DLGAP2: variants seen among roughly 807,000 people sequenced by gnomAD.
DLGAP2 encodes DLG associated protein 2, also known as disks large-associated protein 2.
A neutral mutation model predicts 100.3 loss-of-function variants in DLGAP2; 26 were observed. The observed-to-expected ratio is 0.26, with a 90% CI of 0.19 to 0.36. The LOEUF (loss-of-function observed/expected upper bound fraction) is 0.36, where lower values mean the gene tolerates loss of function less well. DLGAP2 is among the 10% of genes least tolerant of loss of function. The pLI is 1.00. For synonymous variants in DLGAP2, 886 were observed against 630.1 expected (o/e 1.41, Z -6.08); for missense variants, 1,858 against 1,453.2 (o/e 1.28, Z -4.53).
At chr8:1,270,627 C>G (rs913731356) in intron 3 of DLGAP2, among the ~76,000 whole-genome samples, 1 of 151,998 alleles carries the variant, frequency 6.6e-6, no homozygotes, top group African/African-American at 2.4e-5. Flanking sequence ...CCCTGACGTT[C>G]TCCCAGTAAA....
At chr8:1,050,217 C>A (rs1019870977) in intron 2 of DLGAP2, among the ~76,000 whole-genome samples, 12 of 152,180 alleles carry the variant, frequency 7.9e-5, no homozygotes, top group African/African-American at 2.9e-4. Context: ...TTGTAAATAC[C>A]TACAGTCCCC....
At position 1,009,341 on chromosome 8, in the gene DLGAP2, G is replaced by A. The variant is rs571292316; in HGVS notation, c.73+101375G>A. ...TAGAACATTTCATAGATGTCATATCGGATAACGGGCTTTTTCTATAATGGT... is the reference window on the plus strand; with the variant it reads ...TAGAACATTTCATAGATGTCATATCAGATAACGGGCTTTTTCTATAATGGT... On this transcript the variant is annotated intron_variant, in intron 2 of 14. Transcript: ENST00000637795. Among the ~76,000 whole-genome samples, 9 of 152,266 alleles carry A rather than the reference G, an allele frequency of 5.9e-5. No homozygotes were observed. In the South Asian group the frequency reaches 6.2e-4, roughly 11 times the overall value.
chr8:1,460,381 T>C (rs1300264753), intron 3 of DLGAP2, among the ~76,000 whole-genome samples: 1 of 152,234 alleles, frequency 6.6e-6, no homozygotes, highest in Non-Finnish European at 1.5e-5. Flanking sequence ...AAATTCAATG[T>C]GTCAGATGCT....
intron 1 of DLGAP2, among the ~76,000 whole-genome samples, chr8:881,499 T>C (rs1304795558): frequency 1.6e-3 from 18 of 11,424 alleles, no homozygotes; most frequent in Non-Finnish European, 2.8e-3. Context: ...CATCTCTCTT[T>C]TTTTTTTTTT....
At chr8:1,140,072 A>G (rs1796495263) in intron 2 of DLGAP2, among the ~76,000 whole-genome samples, 1 of 152,216 alleles carries the variant, frequency 6.6e-6, no homozygotes, top group African/African-American at 2.4e-5. Flanking sequence ...AAGCATCATA[A>G]CAGTGTGGCC....
chr8:1,009,470 T>A (rs1358174710), intron 2 of DLGAP2, among the ~76,000 whole-genome samples: 1 of 152,368 alleles, frequency 6.6e-6, no homozygotes, highest in South Asian at 2.1e-4. Context: ...ACTTTTGGTA[T>A]TGCTTCTGAC....
chr8:997,662 T>C (rs1169074944), intron 2 of DLGAP2, among the ~76,000 whole-genome samples: 2 of 152,212 alleles, frequency 1.3e-5, no homozygotes, highest in Admixed American at 6.5e-5. Context: ...CACAAACGTT[T>C]GTTCATCCCA....
chr8:788,197 A>G (rs1365316752), intron 1 of DLGAP2, among the ~76,000 whole-genome samples: 1 of 152,246 alleles, frequency 6.6e-6, no homozygotes. Context: ...CTCCCAAATC[A>G]TGAATCTGAT....
intron 3 of DLGAP2, among the ~76,000 whole-genome samples, chr8:1,469,864 A>G (rs1370291781): frequency 1.3e-5 from 2 of 151,744 alleles, no homozygotes; most frequent in African/African-American, 2.4e-5. Flanking sequence ...CTCCTATAAA[A>G]CTCATTTGAG....
intron 3 of DLGAP2, among the ~76,000 whole-genome samples, chr8:1,489,926 C>G (rs960244284): frequency 6.6e-6 from 1 of 152,124 alleles, no homozygotes; most frequent in African/African-American, 2.4e-5. Context: ...GAGTCTCACT[C>G]TGTCTCCCAG....
At chr8:811,859 A>G (rs1043071459) in intron 1 of DLGAP2, among the ~76,000 whole-genome samples, 4 of 152,278 alleles carry the variant, frequency 2.6e-5, no homozygotes, top group Non-Finnish European at 5.9e-5. Flanking sequence ...CCATGGGACC[A>G]AACTGACTCT....
At chr8:1,133,908 G>A (rs764787218) in intron 2 of DLGAP2, among the ~76,000 whole-genome samples, 1 of 151,514 alleles carries the variant, frequency 6.6e-6, no homozygotes, top group Non-Finnish European at 1.5e-5. Context: ...GTAAATGTGT[G>A]TCATGGGGGT....
At chr8:1,388,271 C>G (rs1175099298) in intron 3 of DLGAP2, among the ~76,000 whole-genome samples, 3 of 118,490 alleles carry the variant, frequency 2.5e-5, no homozygotes, top group African/African-American at 3.4e-5. Flanking sequence ...TGAGGAGGCG[C>G]TGGTTCAGGT....
At chr8:744,232 G>A (rs1349765411) in intron 1 of DLGAP2, among the ~76,000 whole-genome samples, 3 of 152,032 alleles carry the variant, frequency 2.0e-5, no homozygotes, top group Non-Finnish European at 2.9e-5. Context: ...ATATACCCCC[G>A]ACCCACGAGA....
intron 4 of DLGAP2, among the ~76,000 whole-genome samples, chr8:1,507,053 C>T (rs1487921585): frequency 1.3e-5 from 2 of 152,204 alleles, no homozygotes; most frequent in African/African-American, 2.4e-5. Context: ...CTCCTAGCTA[C>T]ACATAAAAGT....
At chr8:1,249,567 C>T (rs1258018392) in intron 2 of DLGAP2, among the ~76,000 whole-genome samples, 5 of 152,294 alleles carry the variant, frequency 3.3e-5, no homozygotes, top group African/African-American at 9.6e-5. Context: ...ATTCCTTATA[C>T]GACTGAATGG....
rs1355614078 is a variant in DLGAP2, at chr8:1,515,547, C to T, written c.172+14116C>T. On this transcript the variant is annotated intron_variant, in intron 4 of 14. Transcript: ENST00000637795. ...ACATGCAGACACACATGCAGATGCA[C>T]ACAAACACGAGCAGACATGAAAATA... Among the ~76,000 whole-genome samples the T allele has an allele frequency of 2.0e-5, 3 of 152,066 alleles. No homozygotes were observed. In the South Asian group the frequency reaches 6.2e-4, roughly 32 times the overall value.
intron 3 of DLGAP2, among the ~76,000 whole-genome samples, chr8:1,332,827 G>A (rs572803610): frequency 2.8e-4 from 42 of 152,290 alleles, no homozygotes; most frequent in Admixed American, 5.2e-4. Flanking sequence ...CAGCGTAGCC[G>A]GGATGAATGA....
At chr8:1,152,921 C>A (rs1163541739) in intron 2 of DLGAP2, among the ~76,000 whole-genome samples, 1 of 152,158 alleles carries the variant, frequency 6.6e-6, no homozygotes, top group Non-Finnish European at 1.5e-5. Flanking sequence ...CATCTTTTTG[C>A]AAAGTATGGA....
Sources: gnomAD v4.1 joint callset for allele counts (sites outside exome capture counted in the v4.1 genomes callset) on GRCh38, gnomAD v4.1.1 for gene constraint, MANE v1.5 for transcripts, NCBI Gene and HGNC (gene_info 2026-07-23, HGNC 2026-07-21) for gene names.